IGLL5: variants seen among roughly 807,000 people sequenced by gnomAD.
The protein encoded by IGLL5 is immunoglobulin lambda-like polypeptide 5.
IGLL5 carries 30 observed loss-of-function variants against 20.9 expected under a neutral mutation model. The ratio of observed to expected loss-of-function variants is 1.44; its 90% confidence interval spans 1.07 to 1.95. The LOEUF is 1.95. IGLL5 is among the 30% of genes most tolerant of loss of function. IGLL5 has a pLI of 0.00. For synonymous variants in IGLL5, 203 were observed against 117.3 expected, an observed-to-expected ratio of 1.73 and a Z score of -4.72; for missense variants, 475 against 270.7, an observed-to-expected ratio of 1.75 and a Z score of -5.30.
chr22:22,893,935 A>AACCG (rs2067951715), intron 2 of IGLL5, 117 bp downstream of exon 2: 1 of 775,290 alleles, frequency 1.3e-6, no homozygotes, highest in Non-Finnish European at 2.3e-6. Flanking sequence ...ACTGACCCTT[A>AACCG]CCTTTCTCCA....
intron 2 of IGLL5, among the ~76,000 whole-genome samples, chr22:22,894,623 G>C (rs548896345): frequency 6.6e-6 from 1 of 151,152 alleles, no homozygotes; most frequent in Admixed American, 6.6e-5. Flanking sequence ...GAGGGGTGCA[G>C]AGAACTCCAT....
intron 2 of IGLL5, 106 bp downstream of exon 2, chr22:22,893,924 C>G (rs118102969): frequency 2.2e-5 from 18 of 825,292 alleles, no homozygotes; most frequent in Middle Eastern, 2.2e-4. Context: ...CAGCCTTAAG[C>G]ACTGACCCTT....
rs2067944723 is a variant in IGLL5 at position 22,893,901 on chromosome 22, C to T, written c.325+83C>T. 4 of 946,456 alleles carry T rather than the reference C, an allele frequency of 4.2e-6. 1 individual carries two copies. Among genetic ancestry groups the T allele is most frequent in the Admixed American group, 3.5e-5 (2 of 57,876 alleles). The allele number at this position is 946,456 out of a possible 1,614,324, so 58.6% of individuals were successfully genotyped here. Reference sequence around the variant, plus strand: ...TGTTTTCTCTCTCTGGGGCTTCCTCCCCTCTGTCCTCCCAGCCTTAAGCAC... The same window carrying T: ...TGTTTTCTCTCTCTGGGGCTTCCTCTCCTCTGTCCTCCCAGCCTTAAGCAC... On this transcript the variant is annotated intron_variant, in intron 2 of 2. Transcript: ENST00000526893.
chr22:22,891,739 G>T (rs537415917), intron 1 of IGLL5, among the ~76,000 whole-genome samples: 2 of 151,034 alleles, frequency 1.3e-5, no homozygotes, highest in Non-Finnish European at 2.9e-5. Context: ...ATTCATAAAG[G>T]GTTTGTAAAT....
chr22:22,894,989 G>C (rs1188349595), intron 2 of IGLL5, among the ~76,000 whole-genome samples: 1 of 151,372 alleles, frequency 6.6e-6, no homozygotes, highest in Admixed American at 6.6e-5. Flanking sequence ...CTAGGTCCTG[G>C]AAGAATAAAG....
rs186581925 is a variant in IGLL5, at chr22:22,888,433, A to G, written c.206+174A>G. Among the ~76,000 whole-genome samples the G allele has an allele frequency of 1.2e-4, 18 of 151,394 alleles. 1 individual carries two copies. Among genetic ancestry groups the G allele is most frequent in the East Asian group, 8.1e-4 (4 of 4,950 alleles). Reference sequence around the variant, plus strand: ...TTTTGTCCATCACAGATTTGTTTGAATTACTGTTTTTAATATCATATTACG... The same window carrying G: ...TTTTGTCCATCACAGATTTGTTTGAGTTACTGTTTTTAATATCATATTACG... On this transcript the variant is annotated intron_variant, in intron 1 of 2. Transcript: ENST00000526893.
At position 22,888,261 on chromosome 22, in the gene IGLL5, T is replaced by G. The variant is rs561122720; in HGVS notation, c.206+2T>G. On this transcript the variant is annotated splice_donor_variant, in intron 1 of 2. Transcript: ENST00000526893. LOFTEE classifies it high-confidence loss of function. ...CAGCCTGCGGAGCCTGTGGGGCAGG[T>G]AAGGGGCAAGAGATTCCAGGGGATG... The G allele has an allele frequency of 4.5e-6, 7 of 1,546,758 alleles. No homozygotes were observed. The highest frequency in any genetic ancestry group is 2.8e-5 in the African/African-American group (2 of 72,646).
rs549020133 is a variant in IGLL5 at position 22,894,053 on chromosome 22, A to T, written c.325+235A>T. 4.6e-5 allele frequency among the ~76,000 whole-genome samples: 7 copies of T among 151,382 alleles called. 1 individual carries two copies. Among genetic ancestry groups the T allele is most frequent in the Middle Eastern group, 3.7e-3 (1 of 268 alleles). ...CCCGGGGCCTGAGCTGGGATTGGGC[A>T]GGGTCAGGGCTCCTCCTCTCTTCCA... is the stretch of plus-strand genomic sequence containing the variant. On this transcript the variant is annotated intron_variant, in intron 2 of 2. Transcript: ENST00000526893.
chr22:22,892,463 G>T (rs1049584889), intron 1 of IGLL5, among the ~76,000 whole-genome samples: 1 of 150,966 alleles, frequency 6.6e-6, no homozygotes, highest in Non-Finnish European at 1.5e-5. Flanking sequence ...TTCTCTGTAG[G>T]ATGTTAATAG....
At chr22:22,893,272 C>T (rs1164159489) in intron 1 of IGLL5, among the ~76,000 whole-genome samples, 1 of 151,156 alleles carries the variant, frequency 6.6e-6, no homozygotes, top group African/African-American at 2.4e-5. Flanking sequence ...TGGGACTGAA[C>T]CGCGTCTCCA....
chr22:22,891,141 T>A (rs2146013214), intron 1 of IGLL5, among the ~76,000 whole-genome samples: 2 of 151,318 alleles, frequency 1.3e-5, no homozygotes, highest in South Asian at 4.2e-4. Flanking sequence ...TTCTGTGACC[T>A]CCACCATGTG....
intron 1 of IGLL5, 47 bp downstream of exon 1, chr22:22,888,306 C>A (rs538603563): frequency 3.9e-6 from 6 of 1,526,226 alleles, no homozygotes; most frequent in East Asian, 4.9e-5. Flanking sequence ...TGCAGCAGAG[C>A]TGGGAAAGGG....
chr22:22,888,284 A>T (rs1356232920), intron 1 of IGLL5, 25 bp downstream of exon 1: 2 of 1,542,286 alleles, frequency 1.3e-6, no homozygotes, highest in Middle Eastern at 2.2e-4. Flanking sequence ...ATTCCAGGGG[A>T]TGTGGGGGTC....
In IGLL5 at chr22:22,887,978, A is replaced by G. The variant is rs2067555960; in HGVS notation, c.-76A>G. 2.5e-6 allele frequency: 3 copies of G among 1,185,130 alleles called. No individual in the cohort carries two copies. The highest frequency in any genetic ancestry group is 4.0e-5 in the Admixed American group (2 of 50,332). 73.4% of individuals were successfully genotyped at this position (1,185,130 alleles called of 1,614,324 possible). A position where few individuals can be genotyped will look rare whatever the true frequency, so the allele number is the denominator to read the frequency against. On this transcript the variant is annotated 5_prime_UTR_variant, in exon 1 of 3. Transcript: ENST00000526893. Reference sequence around the variant, plus strand: ...GTGTACTGTAACAGCCCTGCTGGCGAGAGGGACCAGGGCACCGTCCTCCAG... The same window carrying G: ...GTGTACTGTAACAGCCCTGCTGGCGGGAGGGACCAGGGCACCGTCCTCCAG...
At chr22:22,894,141 G>A (rs2067988010) in intron 2 of IGLL5, among the ~76,000 whole-genome samples, 2 of 151,502 alleles carry the variant, frequency 1.3e-5, no homozygotes, top group East Asian at 2.0e-4. Flanking sequence ...GTGTCCTTAG[G>A]GACATTGCCC....
chr22:22,890,580 TGTGTGTGTGTGTGTGTGTGTA>T, intron 1 of IGLL5, among the ~76,000 whole-genome samples: 1 of 145,540 alleles, frequency 6.9e-6, no homozygotes, highest in South Asian at 2.2e-4. Flanking sequence ...TGTGTGTGTG[TGTGTGTGTGTGTGTGTGTGTA>T]TGTGTACAAA....
intron 1 of IGLL5, among the ~76,000 whole-genome samples, chr22:22,889,595 T>C (rs189753947): frequency 2.0e-5 from 3 of 151,288 alleles, no homozygotes; most frequent in South Asian, 2.1e-4. Context: ...GGGACTGTTG[T>C]TGTTTTTGTT....
chr22:22,893,673 C>A, intron 1 of IGLL5, 27 bp from the exon 2 acceptor site: 1 of 1,501,164 alleles, frequency 6.7e-7, no homozygotes. Flanking sequence ...CCGCCCACTG[C>A]AACCCTGTGC....
In IGLL5 at chr22:22,893,741, G is replaced by T; in HGVS notation, c.248G>T (p.Cys83Phe). Residue 83 changes from cysteine (C) to phenylalanine (F), a missense_variant, in exon 2 of 3, where the codon TGC becomes TTC. Coordinates refer to ENST00000526893, the MANE Select transcript of IGLL5 (RefSeq NM_001178126.2). ...QPSPQRADPRCWPRGFWSEPQ... is the reference protein window; with the variant it reads ...QPSPQRADPRFWPRGFWSEPQ... The stretch of plus-strand genomic sequence containing the variant: ...AGCCCCCAGAGAGCAGACCCCAGGT[G>T]CTGGCCCCGGGGGTTTTGGTCTGAG... 2 of 1,607,368 alleles carry T rather than the reference G, an allele frequency of 1.2e-6. No homozygotes were observed. Among genetic ancestry groups the T allele is most frequent in the Non-Finnish European group, 1.7e-6 (2 of 1,176,998 alleles).
Sources: gnomAD v4.1 joint callset for allele counts (sites outside exome capture counted in the v4.1 genomes callset) on GRCh38, gnomAD v4.1.1 for gene constraint, MANE v1.5 for transcripts, NCBI Gene and HGNC (gene_info 2026-07-23, HGNC 2026-07-21) for gene names.